Variants in B3GALT1 observed in about 807,000 individuals in gnomAD.
B3GALT1 encodes beta-1,3-galactosyltransferase 1.
Under a neutral mutation model 23.2 loss-of-function variants are expected in B3GALT1, and 10 were observed. That is an observed-to-expected ratio of 0.43 (90% CI 0.27 to 0.73). The LOEUF is 0.73. Ranked by LOEUF, B3GALT1 falls within the 30% of genes least tolerant of loss-of-function variation. B3GALT1 has a pLI of 0.21. For missense variants in B3GALT1, 299 were observed against 405.4 expected (o/e 0.74, Z 2.25); for synonymous variants, 156 against 141.5 (o/e 1.10, Z -0.73).
chr2:167,659,970 T>G (rs193215517), intron 3 of B3GALT1, among the ~76,000 whole-genome samples: 18 of 152,148 alleles, frequency 1.2e-4, no homozygotes, highest in Admixed American at 7.2e-4. Flanking sequence ...CAGTTTCAGG[T>G]CTGTTTGTCG....
chr2:167,469,236 T>C (rs1699390466), intron 1 of B3GALT1, among the ~76,000 whole-genome samples: 1 of 152,186 alleles, frequency 6.6e-6, no homozygotes, highest in African/African-American at 2.4e-5. Context: ...ATGCCACCTC[T>C]TGCTAGCTAA....
chr2:167,801,391 G>A lies in B3GALT1; in HGVS notation c.-351-17281G>A, dbSNP rs1018369215. On this transcript the variant is annotated intron_variant, in intron 3 of 4. Coordinates refer to ENST00000392690, the MANE Select transcript of B3GALT1 (RefSeq NM_020981.4). The stretch of plus-strand genomic sequence containing the variant: ...CTCCAGACCATACTTTAAATTTAAA[G>A]ATCTAGCTTAAACATAAAATGAGAA... 8.5e-5 allele frequency among the ~76,000 whole-genome samples: 13 copies of A among 152,278 alleles called. No homozygotes were observed. In the East Asian group the frequency reaches 2.5e-3, roughly 29 times the overall value.
intron 2 of B3GALT1, among the ~76,000 whole-genome samples, chr2:167,575,595 A>G (rs1558912190): frequency 6.6e-6 from 1 of 151,794 alleles, no homozygotes; most frequent in Non-Finnish European, 1.5e-5. Flanking sequence ...CCAGATTATC[A>G]TTCAGCTCAC....
chr2:167,481,542 C>T (rs1167356452), intron 1 of B3GALT1, among the ~76,000 whole-genome samples: 2 of 152,312 alleles, frequency 1.3e-5, no homozygotes, highest in Admixed American at 6.5e-5. Context: ...TTCAACACGG[C>T]CATGCTGTCT....
At chr2:167,366,897 G>A (rs527320108) in intron 1 of B3GALT1, among the ~76,000 whole-genome samples, 15 of 152,342 alleles carry the variant, frequency 9.8e-5, no homozygotes, top group African/African-American at 3.6e-4. Flanking sequence ...CAGGGCAACT[G>A]GCTTCCTCTA....
At chr2:167,651,411 A>G (rs2105464389) in intron 3 of B3GALT1, among the ~76,000 whole-genome samples, 1 of 152,226 alleles carries the variant, frequency 6.6e-6, no homozygotes, top group East Asian at 1.9e-4. Flanking sequence ...ATAACTTAAC[A>G]TCTTCGTTAC....
At chr2:167,696,296 C>CAAAAAAA (rs35575073) in intron 3 of B3GALT1, among the ~76,000 whole-genome samples, 1 of 91,836 alleles carries the variant, frequency 1.1e-5, no homozygotes, top group African/African-American at 4.5e-5. Context: ...TGGTAAGAGG[C>CAAAAAAA]AAAAAAAAAA....
At chr2:167,707,838 A>G in intron 3 of B3GALT1, among the ~76,000 whole-genome samples, 1 of 152,242 alleles carries the variant, frequency 6.6e-6, no homozygotes, top group East Asian at 1.9e-4. Flanking sequence ...CGTAAGGGCA[A>G]GAACCAATGA....
chr2:167,840,974 A>T (rs1019302011), intron 4 of B3GALT1, among the ~76,000 whole-genome samples: 2 of 142,262 alleles, frequency 1.4e-5, no homozygotes, highest in African/African-American at 2.6e-5. Context: ...GAATTGAACA[A>T]TGAGAACACA....
intron 3 of B3GALT1, among the ~76,000 whole-genome samples, chr2:167,809,928 CCA>C (rs1688845233): frequency 1.3e-5 from 2 of 152,210 alleles, no homozygotes; most frequent in African/African-American, 4.8e-5. Context: ...GTGGTGGGCT[CCA>C]CCCAGTTCGA....
intron 3 of B3GALT1, among the ~76,000 whole-genome samples, chr2:167,673,667 G>A (rs1383602368): frequency 6.6e-6 from 1 of 151,622 alleles, no homozygotes; most frequent in Non-Finnish European, 1.5e-5. Flanking sequence ...GAACCCAAAA[G>A]GGTCTTAAAC....
chr2:167,715,191 C>T, intron 3 of B3GALT1: 8 of 1,613,946 alleles, frequency 5.0e-6, no homozygotes, highest in Non-Finnish European at 6.8e-6. Flanking sequence ...ACTTCTAATT[C>T]CAAGTTATCA....
chr2:167,402,954 C>T (rs1698215373), intron 1 of B3GALT1, among the ~76,000 whole-genome samples: 1 of 152,068 alleles, frequency 6.6e-6, no homozygotes. Context: ...ACACTCCCAT[C>T]CCCACTCCCC....
intron 2 of B3GALT1, among the ~76,000 whole-genome samples, chr2:167,621,693 T>C (rs1685262818): frequency 6.6e-6 from 1 of 152,086 alleles, no homozygotes; most frequent in African/African-American, 2.4e-5. Flanking sequence ...AATTGAATCA[T>C]GGGAGTGGTT....
chr2:167,715,823 A>G lies in B3GALT1; in HGVS notation c.-352+68857A>G. On this transcript the variant is annotated intron_variant, in intron 3 of 4. Coordinates refer to ENST00000392690, the MANE Select transcript of B3GALT1 (RefSeq NM_020981.4). ...TTTTTCTTCAATTAGTCCAGAAAGC[A>G]TTTCACCAAGTTTTTTTCTCTCTTC... 1.9e-6 allele frequency: 3 copies of G among 1,613,890 alleles called. No homozygotes were observed. The South Asian group carries it at 3.3e-5, about 18-fold the overall frequency.
chr2:167,304,765 C>G (rs1473551670), intron 1 of B3GALT1, among the ~76,000 whole-genome samples: 1 of 151,890 alleles, frequency 6.6e-6, no homozygotes, highest in African/African-American at 2.4e-5. Context: ...GGTTAGGGGA[C>G]CAAGAATTCT....
At chr2:167,435,000 G>T (rs1574077058) in intron 1 of B3GALT1, among the ~76,000 whole-genome samples, 1 of 151,854 alleles carries the variant, frequency 6.6e-6, no homozygotes, top group East Asian at 1.9e-4. Flanking sequence ...AAAATACTGG[G>T]GCTTGTTCTT....
intron 2 of B3GALT1, among the ~76,000 whole-genome samples, chr2:167,556,376 CTATT>C (rs1461583165): frequency 1.3e-5 from 2 of 152,040 alleles, no homozygotes; most frequent in Middle Eastern, 3.2e-3. Context: ...CTCTACTTAT[CTATT>C]TATCTATAAT....
intron 3 of B3GALT1, among the ~76,000 whole-genome samples, chr2:167,693,934 GTTC>G (rs1350417163): frequency 2.0e-5 from 3 of 152,140 alleles, no homozygotes; most frequent in Non-Finnish European, 4.4e-5. Flanking sequence ...GAGCTGGGCA[GTTC>G]TTCTTTTCCG....
Sources: gnomAD v4.1 joint callset for allele counts (sites outside exome capture counted in the v4.1 genomes callset) on GRCh38, gnomAD v4.1.1 for gene constraint, MANE v1.5 for transcripts, NCBI Gene and HGNC (gene_info 2026-07-23, HGNC 2026-07-21) for gene names.